ACBD6: variants seen among roughly 807,000 people sequenced by gnomAD.
The protein encoded by ACBD6 is acyl-CoA-binding domain-containing protein 6.
Under a neutral mutation model 37.2 loss-of-function variants are expected in ACBD6, and 28 were observed. The ratio of observed to expected loss-of-function variants is 0.75; its 90% CI spans 0.56 to 1.03. The LOEUF (loss-of-function observed/expected upper bound fraction) is 1.03. Among genes scored for constraint, ACBD6 ranks in the 50% least tolerant of loss-of-function variants. ACBD6 has a pLI of 0.00. For missense variants in ACBD6, 340 were observed against 337.4 expected, an observed-to-expected ratio of 1.01 and a Z score of -0.06; for synonymous variants, 113 against 126.8, an observed-to-expected ratio of 0.89 and a Z score of 0.73.
At chr1:180,296,885 G>A (rs1271254674) in intron 7 of ACBD6, among the ~76,000 whole-genome samples, 4 of 151,970 alleles carry the variant, frequency 2.6e-5, no homozygotes, top group Admixed American at 1.3e-4. Context: ...CCAGCACTTC[G>A]GGAGGCCAAG....
chr1:180,447,969 C>A (rs1185160527), intron 3 of ACBD6, among the ~76,000 whole-genome samples: 3 of 151,886 alleles, frequency 2.0e-5, no homozygotes, highest in African/African-American at 4.8e-5. Flanking sequence ...CAGTTAGATA[C>A]TTGAAGTTAC....
intron 6 of ACBD6, among the ~76,000 whole-genome samples, chr1:180,328,957 G>C (rs1571366195): frequency 6.6e-6 from 1 of 152,152 alleles, no homozygotes; most frequent in Admixed American, 6.5e-5. Context: ...TTTATGGAAT[G>C]AGGGAGTATA....
intron 3 of ACBD6, among the ~76,000 whole-genome samples, chr1:180,462,774 A>G (rs546731303): frequency 6.6e-6 from 1 of 152,344 alleles, no homozygotes; most frequent in African/African-American, 2.4e-5. Flanking sequence ...ACAACAGAAT[A>G]TGCATTTTTC....
chr1:180,495,886 AATT>A (rs1651718638), intron 1 of ACBD6, among the ~76,000 whole-genome samples: 1 of 152,170 alleles, frequency 6.6e-6, no homozygotes, highest in Non-Finnish European at 1.5e-5. Context: ...TTTAATATGA[AATT>A]AATAAGGTTT....
chr1:180,401,040 C>T (rs145502573), intron 5 of ACBD6, among the ~76,000 whole-genome samples: 1 of 152,032 alleles, frequency 6.6e-6, no homozygotes, highest in African/African-American at 2.4e-5. Flanking sequence ...ATTTTTATTG[C>T]TACCAAAATA....
At chr1:180,429,910 A>G (rs1342370591) in intron 4 of ACBD6, among the ~76,000 whole-genome samples, 2 of 152,204 alleles carry the variant, frequency 1.3e-5, no homozygotes, top group African/African-American at 2.4e-5. Flanking sequence ...AGTAATTATT[A>G]TCACTTATTC....
At chr1:180,422,209 TTC>T (rs1162178925) in intron 4 of ACBD6, among the ~76,000 whole-genome samples, 2 of 150,678 alleles carry the variant, frequency 1.3e-5, no homozygotes, top group Admixed American at 1.3e-4. Flanking sequence ...CTTTTCTTTT[TTC>T]TTTTTTTTTT....
At chr1:180,283,532 T>C (rs533067867), downstream of ACBD6, among the ~76,000 whole-genome samples, 45 of 152,154 alleles carry the variant, frequency 3.0e-4, no homozygotes, top group Non-Finnish European at 5.3e-4. Context: ...CTGTCATGCA[T>C]AGAAACCAGT....
intron 6 of ACBD6, among the ~76,000 whole-genome samples, chr1:180,339,080 GT>G (rs1340003994): frequency 6.6e-6 from 1 of 152,234 alleles, no homozygotes; most frequent in Non-Finnish European, 1.5e-5. Context: ...TACACTGTTG[GT>G]GGGACTGTAA....
At chr1:180,444,191 TA>T (rs1649392227) in intron 3 of ACBD6, among the ~76,000 whole-genome samples, 1 of 150,524 alleles carries the variant, frequency 6.6e-6, no homozygotes, top group Admixed American at 6.6e-5. Flanking sequence ...TTTTCACTCA[TA>T]AACAGACATA....
intron 3 of ACBD6, among the ~76,000 whole-genome samples, chr1:180,455,079 A>G (rs2102033005): frequency 6.6e-6 from 1 of 152,356 alleles, no homozygotes; most frequent in African/African-American, 2.4e-5. Context: ...ACGTATGTTT[A>G]CTGAGGCACT....
chr1:180,302,633 T>G (rs1349285544), intron 7 of ACBD6, among the ~76,000 whole-genome samples: 1 of 151,998 alleles, frequency 6.6e-6, no homozygotes, highest in Non-Finnish European at 1.5e-5. Flanking sequence ...GAAAGAGACT[T>G]AGACTCCCAC....
intron 4 of ACBD6, among the ~76,000 whole-genome samples, chr1:180,427,779 G>A (rs1015934689): frequency 6.6e-6 from 1 of 152,006 alleles, no homozygotes; most frequent in Non-Finnish European, 1.5e-5. Context: ...AAAATTAGTT[G>A]GGCATGGTGG....
intron 7 of ACBD6, among the ~76,000 whole-genome samples, chr1:180,301,370 C>T (rs766491667): frequency 6.6e-6 from 1 of 151,868 alleles, no homozygotes; most frequent in Non-Finnish European, 1.5e-5. Context: ...GACTAGTAGC[C>T]TTACCAGTAA....
chr1:180,471,553 G>A (rs1473621464), intron 3 of ACBD6, among the ~76,000 whole-genome samples: 1 of 152,110 alleles, frequency 6.6e-6, no homozygotes, highest in Non-Finnish European at 1.5e-5. Flanking sequence ...CAAAATCATG[G>A]TGGGGGGCAA....
rs560248003 is a variant in ACBD6 at position 180,455,879 on chromosome 1, T to C, written c.385-25617A>G. On this transcript the variant is annotated intron_variant, in intron 3 of 7. Coordinates refer to ENST00000367595, the MANE Select transcript of ACBD6 (RefSeq NM_032360.4). ...GTATTCATAATTAATTCTTCAGAAATATAATTACAATCAATGAACCTTGAA... is the reference window on the plus strand; with the variant it reads ...GTATTCATAATTAATTCTTCAGAAACATAATTACAATCAATGAACCTTGAA... Among the ~76,000 whole-genome samples the C allele has an allele frequency of 5.9e-5, 9 of 152,322 alleles. 1 individual carries two copies. In the South Asian group the frequency reaches 1.9e-3, roughly 32 times the overall value.
chr1:180,365,872 C>A (rs1653035003), intron 6 of ACBD6, among the ~76,000 whole-genome samples: 2 of 151,720 alleles, frequency 1.3e-5, no homozygotes, highest in South Asian at 4.2e-4. Flanking sequence ...TTATCTTTTT[C>A]CCATCTTTCA....
chr1:180,315,539 A>T (rs1396724702), intron 6 of ACBD6, among the ~76,000 whole-genome samples: 1 of 152,194 alleles, frequency 6.6e-6, no homozygotes, highest in Non-Finnish European at 1.5e-5. Flanking sequence ...TGAAACTGTT[A>T]ATCTGAATAA....
intron 3 of ACBD6, among the ~76,000 whole-genome samples, chr1:180,472,159 C>G (rs1434388541): frequency 6.6e-6 from 1 of 152,176 alleles, no homozygotes; most frequent in Admixed American, 6.5e-5. Flanking sequence ...TGGTCAGTCC[C>G]ACTATAGTGT....
Sources: allele counts gnomAD v4.1 joint callset (sites outside exome capture counted in the v4.1 genomes callset), GRCh38; gene constraint gnomAD v4.1.1; transcripts MANE v1.5; gene names NCBI Gene and HGNC (gene_info 2026-07-23, HGNC 2026-07-21).